The following CPSF3 variants were observed in gnomAD, a reference collection of about 807,000 sequenced individuals.
The protein encoded by CPSF3 is cleavage and polyadenylation specificity factor subunit 3.
In CPSF3, 57 loss-of-function variants were observed where a neutral mutation model predicts 84.1. The observed-to-expected ratio is 0.68, with a 90% CI of 0.55 to 0.85. The LOEUF (loss-of-function observed/expected upper bound fraction) is 0.85. Ranked by LOEUF, CPSF3 falls within the 40% of genes least tolerant of loss-of-function variation. The pLI, the probability that CPSF3 is intolerant of heterozygous loss-of-function variation, is 0.00. For synonymous variants in CPSF3, 275 were observed against 278.1 expected (o/e 0.99, Z 0.11); for missense variants, 522 against 838.8 (o/e 0.62, Z 4.66).
At chr2:9,457,248 C>CA (rs1183860564) in intron 14 of CPSF3, among the ~76,000 whole-genome samples, 2 of 150,552 alleles carry the variant, frequency 1.3e-5, no homozygotes, top group Non-Finnish European at 3.0e-5. Flanking sequence ...TATGTAGTCA[C>CA]AAAAAAACCT....
chr2:9,463,540 G>T (rs974354830), intron 15 of CPSF3, among the ~76,000 whole-genome samples: 5 of 152,240 alleles, frequency 3.3e-5, no homozygotes, highest in Non-Finnish European at 5.9e-5. Context: ...TGATATGTCA[G>T]CATGGACAGT....
In CPSF3 at chr2:9,457,007, C is replaced by A; in HGVS notation, c.1678C>A (p.Pro560Thr). The A allele has an allele frequency of 6.3e-7, 1 of 1,595,296 alleles. No homozygotes were observed. The highest frequency in any genetic ancestry group is 8.6e-7 in the Non-Finnish European group (1 of 1,168,404). ...VFKNITVIQE[P>T]GMVVLEWLAN... is the part of the protein sequence containing the mutation. ...CAAAAATATTACTGTAATACAAGAA[C>A]CAGGCATGGTGGTATTAGAAGTAAG... The change falls in exon 14 of 18, where the codon CCA (proline) becomes ACA (threonine). Residue 560 changes from proline to threonine, a missense_variant. Around this residue, in one of 2 missense-constraint regions of CPSF3, gnomAD observed 193 missense variants for 231.6 expected, o/e 0.83. Transcript: ENST00000238112.
At chr2:9,426,249 T>C (rs1183625807) in intron 1 of CPSF3, among the ~76,000 whole-genome samples, 1 of 152,192 alleles carries the variant, frequency 6.6e-6, no homozygotes, top group Non-Finnish European at 1.5e-5. Flanking sequence ...GATGCTGGGT[T>C]GTGGCTTGCT....
intron 15 of CPSF3, among the ~76,000 whole-genome samples, chr2:9,462,178 C>T (rs4991977): frequency 0.48 from 72,634 of 152,014 alleles, 18,779 homozygotes; most frequent in Middle Eastern, 0.66. Context: ...GGCCACGCAG[C>T]TTTCAGCTGT....
At chr2:9,431,143 G>A (rs571583233) in intron 4 of CPSF3, among the ~76,000 whole-genome samples, 37 of 152,284 alleles carry the variant, frequency 2.4e-4, no homozygotes, top group Non-Finnish European at 4.1e-4. Flanking sequence ...TGCAGCCTCA[G>A]CCACCTGGGC....
intron 14 of CPSF3, 75 bp from the exon 15 acceptor site, chr2:9,459,456 G>C (rs1421857164): frequency 1.2e-6 from 1 of 862,588 alleles, no homozygotes. Context: ...CCATGGTTTG[G>C]TGGGTTGTAG....
intron 5 of CPSF3, among the ~76,000 whole-genome samples, chr2:9,433,350 G>A (rs1043639667): frequency 2.0e-5 from 3 of 152,186 alleles, no homozygotes; most frequent in Non-Finnish European, 2.9e-5. Flanking sequence ...CTAGTGTCAC[G>A]TCCTAAATTT....
chr2:9,425,810 C>T (rs557787376), intron 1 of CPSF3, among the ~76,000 whole-genome samples: 1 of 152,154 alleles, frequency 6.6e-6, no homozygotes, highest in East Asian at 1.9e-4. Context: ...ATAATTCAGT[C>T]GTTCTTAACA....
chr2:9,431,541 TTTTTTTTTTTC>T (rs1386388761), intron 4 of CPSF3, among the ~76,000 whole-genome samples: 1 of 91,192 alleles, frequency 1.1e-5, no homozygotes, highest in African/African-American at 5.3e-5. Context: ...TTTTTTTTTC[TTTTTTTTTTTC>T]TTTTTTTTTT....
At chr2:9,445,866 T>C (rs1681110683) in intron 10 of CPSF3, among the ~76,000 whole-genome samples, 1 of 152,204 alleles carries the variant, frequency 6.6e-6, no homozygotes, top group African/African-American at 2.4e-5. Flanking sequence ...ATACTAGTAG[T>C]GTTGGTGGTA....
At chr2:9,433,252 C>T (rs745490785) in intron 5 of CPSF3, among the ~76,000 whole-genome samples, 3 of 152,216 alleles carry the variant, frequency 2.0e-5, no homozygotes, top group African/African-American at 4.8e-5. Context: ...CTGAAAATAA[C>T]TGTTGAATCA....
rs1009228525 is a variant in CPSF3 at position 9,467,867 on chromosome 2, C to T, written c.1856+91C>T. ...GCTCTGACTCCTTCAAGGACTGGGGCGTGGCTCTGGCCAGGCCACTGCCAT... is the reference window on the plus strand; with the variant it reads ...GCTCTGACTCCTTCAAGGACTGGGGTGTGGCTCTGGCCAGGCCACTGCCAT... On this transcript the variant is annotated intron_variant, in intron 16 of 17. Coordinates refer to ENST00000238112, the MANE Select transcript of CPSF3 (RefSeq NM_016207.4). 2.5e-5 allele frequency: 26 copies of T among 1,035,528 alleles called. No individual in the cohort carries two copies. In the African/African-American group the frequency reaches 3.5e-4, roughly 14 times the overall value. The allele number at this position is 1,035,528 out of a possible 1,614,324, so 64.1% of individuals were successfully genotyped here.
At chr2:9,425,125 G>A (rs553135076) in intron 1 of CPSF3, among the ~76,000 whole-genome samples, 9 of 152,334 alleles carry the variant, frequency 5.9e-5, no homozygotes, top group African/African-American at 1.9e-4. Context: ...ATGAGTAGGA[G>A]TTAAAGACTG....
chr2:9,423,682 C>T lies in CPSF3; in HGVS notation c.-92C>T, dbSNP rs1680198295. The T allele has an allele frequency of 6.6e-7, 1 of 1,510,772 alleles. No individual in the cohort carries two copies. The highest frequency in any genetic ancestry group is 9.0e-7 in the Non-Finnish European group (1 of 1,110,284). The allele number at this position is 1,510,772 out of a possible 1,614,324, so 93.6% of individuals were successfully genotyped here. A position where few individuals can be genotyped will look rare whatever the true frequency, so the allele number is the denominator to read the frequency against. ...AGTTGTGCTCTTGGTGAATGGGGTT[C>T]TTCCTTTTTTATTTACCGGTGGCTG... On this transcript the variant is annotated 5_prime_UTR_variant, in exon 1 of 18. Transcript: ENST00000238112.
chr2:9,435,857 G>A (rs149750619), intron 6 of CPSF3, among the ~76,000 whole-genome samples: 2,214 of 151,888 alleles, frequency 0.015, 37 homozygotes, highest in African/African-American at 0.037. Flanking sequence ...CTCAGCCTCC[G>A]GAGTAGCTGG....
chr2:9,426,712 G>C (rs1324473568), intron 1 of CPSF3, among the ~76,000 whole-genome samples: 1 of 152,110 alleles, frequency 6.6e-6, no homozygotes, highest in Non-Finnish European at 1.5e-5. Context: ...AGGGAGAGGT[G>C]CTTGAGGAAG....
intron 7 of CPSF3, among the ~76,000 whole-genome samples, chr2:9,439,441 G>A (rs1391576386): frequency 7.1e-6 from 1 of 141,408 alleles, no homozygotes; most frequent in Non-Finnish European, 1.5e-5. Flanking sequence ...CCACTGCACT[G>A]CAGCCTGGGC....
chr2:9,448,158 TG>T, intron 10 of CPSF3, 39 bp from the exon 11 acceptor site: 8 of 1,230,044 alleles, frequency 6.5e-6, no homozygotes, highest in South Asian at 1.6e-5. Flanking sequence ...TTAAGCTGAA[TG>T]ATGTTTCCAT....
intron 14 of CPSF3, among the ~76,000 whole-genome samples, chr2:9,458,554 T>C (rs1252515461): frequency 6.6e-6 from 1 of 151,990 alleles, no homozygotes; most frequent in Non-Finnish European, 1.5e-5. Flanking sequence ...TTAGAGGCTG[T>C]GTATGATGGC....
Sources: gnomAD v4.1 joint callset for allele counts (sites outside exome capture counted in the v4.1 genomes callset) on GRCh38, gnomAD v4.1.1 for gene constraint, gnomAD v4.1.1 regional missense constraint, MANE v1.5 for transcripts, NCBI Gene and HGNC (gene_info 2026-07-23, HGNC 2026-07-21) for gene names.